The following TNIP1 variants were observed in gnomAD, a reference collection of about 807,000 sequenced individuals.
TNIP1 encodes the protein TNFAIP3-interacting protein 1.
A neutral mutation model predicts 86.6 loss-of-function variants in TNIP1; 22 were observed. That is an observed-to-expected ratio of 0.25 (90% CI 0.18 to 0.36). The LOEUF is 0.36. Among genes scored for constraint, TNIP1 ranks in the 10% least tolerant of loss-of-function variants. The pLI is 1.00. For missense variants in TNIP1, 709 were observed against 820.6 expected (o/e 0.86, Z 1.66); for synonymous variants, 294 against 313.0 (o/e 0.94, Z 0.64).
At position 151,060,359 on chromosome 5, in the gene TNIP1, C is replaced by T; in HGVS notation, c.394G>A (p.Glu132Lys). The T allele has an allele frequency of 2.5e-6, 4 of 1,614,178 alleles. No homozygotes were observed. The highest frequency in any genetic ancestry group is 2.5e-6 in the Non-Finnish European group (3 of 1,180,024). Residue 132 changes from glutamate (E) to lysine (K), a missense_variant, in exon 5 of 18, where the codon GAG (glutamate) becomes AAG (lysine). Coordinates refer to ENST00000521591, the MANE Select transcript of TNIP1 (RefSeq NM_006058.5). ...CTGCTGCTCTCTGGTGAATTCTGCT[C>T]CTCAGGAGTGACCACTTCAAATTCA... ...SSEFEVVTPE[E>K]QNSPESSSHA... is the part of the protein sequence containing the mutation.
intron 11 of TNIP1, 23 bp from the exon 12 acceptor site, chr5:151,039,248 A>G: frequency 6.2e-7 from 1 of 1,606,118 alleles, no homozygotes. Flanking sequence ...CAAGGTTGGT[A>G]AGCTGGCTAG....
Position 151,065,114 on chromosome 5 carries a change from G to T in TNIP1, c.-19C>A, listed in dbSNP as rs1762073910. 6.2e-7 allele frequency: 1 copy of T among 1,608,480 alleles called. No homozygotes were observed. The highest frequency in any genetic ancestry group is 2.2e-5 in the East Asian group (1 of 44,760). On this transcript the variant is annotated 5_prime_UTR_variant, in exon 2 of 18. Coordinates refer to ENST00000521591, the MANE Select transcript of TNIP1 (RefSeq NM_006058.5). Reference sequence around the variant, plus strand: ...CTTCCATGAGGGTAGCTCAGCCCCTGCCGTGGTGCCCGCCTGGCTGTAAGG... The same window carrying T: ...CTTCCATGAGGGTAGCTCAGCCCCTTCCGTGGTGCCCGCCTGGCTGTAAGG...
intron 17 of TNIP1, 115 bp downstream of exon 17, chr5:151,032,172 G>T (rs1333834931): frequency 5.9e-6 from 5 of 849,610 alleles, no homozygotes; most frequent in Non-Finnish European, 9.2e-6. Flanking sequence ...GGAAAGCTGG[G>T]CCTCTCCTCC....
chr5:151,044,455 G>A (rs1259997631), intron 9 of TNIP1, among the ~76,000 whole-genome samples: 1 of 152,018 alleles, frequency 6.6e-6, no homozygotes, highest in African/African-American at 2.4e-5. Flanking sequence ...AAAAAACTGA[G>A]GGATATTCAA....
chr5:151,035,656 T>G lies in TNIP1; in HGVS notation c.1447A>C (p.Met483Leu). 1 of 1,614,198 alleles carries G rather than the reference T, an allele frequency of 6.2e-7. No homozygotes were observed. The highest frequency in any genetic ancestry group is 8.5e-7 in the Non-Finnish European group (1 of 1,180,042). The change falls in exon 14 of 18, where the codon ATG becomes CTG. Residue 483 changes from methionine to leucine, a missense_variant. Met to Leu is a conservative substitution (Grantham distance 15). Transcript: ENST00000521591. ...FQRERSDRER[M>L]NEEKEELKKQ... ...TTCAGCTCTTCCTTCTCCTCATTCA[T>G]GCGCTCACGATCACTGCGCTCCCTC...
chr5:151,042,431 C>A, intron 11 of TNIP1, 109 bp downstream of exon 11: 1 of 1,481,810 alleles, frequency 6.7e-7, no homozygotes, highest in Non-Finnish European at 9.1e-7. Context: ...AGCTCTTTCG[C>A]ACTAGACCCC....
At chr5:151,055,055 T>C (rs1019730823) in intron 6 of TNIP1, among the ~76,000 whole-genome samples, 3 of 152,188 alleles carry the variant, frequency 2.0e-5, no homozygotes, top group Admixed American at 2.0e-4. Context: ...ACAAAGATCA[T>C]CACCTTCCAT....
At position 151,080,908 on chromosome 5, in the gene TNIP1, G is replaced by T. The variant is rs1440451416; in HGVS notation, c.-65C>A. 1 of 152,170 alleles carries T rather than the reference G, an allele frequency of 6.6e-6. No individual in the cohort carries two copies. Among genetic ancestry groups the T allele is most frequent in the African/African-American group, 2.4e-5 (1 of 41,382 alleles). 9.4% of individuals were successfully genotyped at this position (152,170 alleles called of 1,614,324 possible). On this transcript the variant is annotated 5_prime_UTR_variant, in exon 1 of 18. Coordinates refer to ENST00000521591, the MANE Select transcript of TNIP1 (RefSeq NM_006058.5). ...AGGACGGGGAGCTTGGGGACACAGC[G>T]CCCCGCTTGCTGCGTCCAGCCCCGA...
chr5:151,045,025 T>G (rs923490928), intron 9 of TNIP1, among the ~76,000 whole-genome samples: 2 of 152,218 alleles, frequency 1.3e-5, no homozygotes, highest in Admixed American at 6.5e-5. Context: ...TTTTCATTCT[T>G]GCCTAAGAAA....
intron 5 of TNIP1, among the ~76,000 whole-genome samples, chr5:151,059,566 A>G (rs1761116683): frequency 6.6e-6 from 1 of 152,220 alleles, no homozygotes; most frequent in African/African-American, 2.4e-5. Context: ...AACAACAATT[A>G]AAGAAAAAAA....
At chr5:151,036,997 G>A (rs1757795069) in intron 12 of TNIP1, 76 bp from the exon 13 acceptor site, 2 of 1,494,808 alleles carry the variant, frequency 1.3e-6, no homozygotes, top group South Asian at 1.4e-5. Context: ...CATCCTCAGG[G>A]AACTCCTTCC....
chr5:151,073,603 T>C (rs990537554), intron 1 of TNIP1, among the ~76,000 whole-genome samples: 1 of 152,084 alleles, frequency 6.6e-6, no homozygotes, highest in African/African-American at 2.4e-5. Context: ...TGTGTATACA[T>C]ACGGAATCTT....
chr5:151,031,968 G>A (rs770896295), intron 17 of TNIP1: 17 of 242,268 alleles, frequency 7.0e-5, no homozygotes, highest in Non-Finnish European at 1.2e-4. Context: ...GCCTGTTTGT[G>A]TGGTGTTTGT....
intron 1 of TNIP1, among the ~76,000 whole-genome samples, chr5:151,073,073 T>C (rs1355399932): frequency 1.3e-5 from 2 of 151,906 alleles, no homozygotes; most frequent in Non-Finnish European, 2.9e-5. Context: ...AATACAAAAA[T>C]TAGCCAGGTG....
At chr5:151,055,400 G>A (rs530550763) in intron 6 of TNIP1, among the ~76,000 whole-genome samples, 9 of 152,262 alleles carry the variant, frequency 5.9e-5, no homozygotes, top group Middle Eastern at 3.4e-3. Context: ...AAGTGGATGC[G>A]CAAAGTGCTC....
At chr5:151,076,323 G>A (rs1561543253) in intron 1 of TNIP1, among the ~76,000 whole-genome samples, 1 of 152,186 alleles carries the variant, frequency 6.6e-6, no homozygotes, top group Non-Finnish European at 1.5e-5. Flanking sequence ...GGGATAGGAG[G>A]GGCAGGCACT....
At chr5:151,048,008 G>GC (rs1011603289) in intron 8 of TNIP1, among the ~76,000 whole-genome samples, 3 of 152,192 alleles carry the variant, frequency 2.0e-5, no homozygotes, top group Non-Finnish European at 4.4e-5. Flanking sequence ...TGCAGAGCTT[G>GC]CCCCCTACAG....
chr5:151,056,042 A>G (rs2113608340), intron 6 of TNIP1, among the ~76,000 whole-genome samples: 1 of 152,374 alleles, frequency 6.6e-6, no homozygotes, highest in African/African-American at 2.4e-5. Flanking sequence ...TGCTTCATGT[A>G]CATGGCCTCA....
At position 151,035,562 on chromosome 5, in the gene TNIP1, C is replaced by G. The variant is rs200597891; in HGVS notation, c.1521+20G>C. 1 of 1,614,176 alleles carries G rather than the reference C, an allele frequency of 6.2e-7. No homozygotes were observed. The highest frequency in any genetic ancestry group is 1.3e-5 in the African/African-American group (1 of 75,064). On this transcript the variant is annotated intron_variant, in intron 14 of 17. Transcript: ENST00000521591. ...CACGAGGACAGGCCAGTTGCCCTTC[C>G]TGGGTCCAGTCACTCTTACCTGGGC...
Sources: allele counts gnomAD v4.1 joint callset (sites outside exome capture counted in the v4.1 genomes callset), GRCh38; gene constraint gnomAD v4.1.1; transcripts MANE v1.5; gene names NCBI Gene and HGNC (gene_info 2026-07-23, HGNC 2026-07-21).